The following MLF1 variants were observed in gnomAD, a reference collection of about 807,000 sequenced individuals.
MLF1 encodes the protein myelodysplasia-myeloid leukemia factor 1.
In MLF1, 37 loss-of-function variants were observed where a neutral mutation model predicts 38.3. The observed-to-expected ratio is 0.96, with a 90% CI of 0.74 to 1.27. The LOEUF is 1.27. MLF1 is among the 50% of genes most tolerant of loss of function. The pLI is 0.00. For missense variants in MLF1, 331 were observed against 349.2 expected, an observed-to-expected ratio of 0.95 and a Z score of 0.42; for synonymous variants, 95 against 106.5, an observed-to-expected ratio of 0.89 and a Z score of 0.66.
At chr3:158,579,117 G>A (rs754260781) in intron 1 of MLF1, among the ~76,000 whole-genome samples, 34 of 152,098 alleles carry the variant, frequency 2.2e-4, no homozygotes, top group Middle Eastern at 3.4e-3. Flanking sequence ...GAAATGACTA[G>A]TTTGTATAGC....
intron 1 of MLF1, among the ~76,000 whole-genome samples, chr3:158,572,122 G>C (rs1235120880): frequency 8.3e-6 from 1 of 120,380 alleles, no homozygotes; most frequent in African/African-American, 3.2e-5. Context: ...GTGTGGGGGA[G>C]AGTTGAAGGT....
At chr3:158,600,597 AAATT>A (rs1322790274) in intron 6 of MLF1, among the ~76,000 whole-genome samples, 4 of 151,534 alleles carry the variant, frequency 2.6e-5, no homozygotes, top group African/African-American at 7.2e-5. Context: ...CTTTTTTCTC[AAATT>A]ATTATTCTAC....
intron 1 of MLF1, among the ~76,000 whole-genome samples, chr3:158,588,391 A>C (rs1717583653): frequency 6.6e-6 from 1 of 152,222 alleles, no homozygotes. Context: ...TCAGAATAAC[A>C]CATTGATTGA....
intron 1 of MLF1, among the ~76,000 whole-genome samples, chr3:158,579,426 G>C (rs537402156): frequency 1.3e-5 from 2 of 152,190 alleles, no homozygotes; most frequent in Non-Finnish European, 2.9e-5. Context: ...GAATGGTTCA[G>C]ACAGTTGCAA....
At chr3:158,590,209 A>G (rs1211295829) in intron 1 of MLF1, among the ~76,000 whole-genome samples, 1 of 152,248 alleles carries the variant, frequency 6.6e-6, no homozygotes, top group African/African-American at 2.4e-5. Flanking sequence ...TGGGGGAAGT[A>G]TTTGAAAAGA....
intron 6 of MLF1, among the ~76,000 whole-genome samples, chr3:158,602,488 A>G (rs2108656940): frequency 6.6e-6 from 1 of 152,314 alleles, no homozygotes; most frequent in Admixed American, 6.5e-5. Flanking sequence ...GAGTATATTC[A>G]CTGTGAGATG....
At chr3:158,595,332 T>G (rs1718734371) in intron 3 of MLF1, among the ~76,000 whole-genome samples, 1 of 152,068 alleles carries the variant, frequency 6.6e-6, no homozygotes, top group African/African-American at 2.4e-5. Context: ...TTGAAGGCCT[T>G]AAGGGCCCAC....
At position 158,605,520 on chromosome 3, in the gene MLF1, C is replaced by T. The variant is rs1197284162; in HGVS notation, c.*318C>T. 3 of 234,844 alleles carry T rather than the reference C, an allele frequency of 1.3e-5. No individual in the cohort carries two copies. Among genetic ancestry groups the T allele is most frequent in the Non-Finnish European group, 2.5e-5 (3 of 119,314 alleles). 14.5% of individuals were successfully genotyped at this position (234,844 alleles called of 1,614,324 possible). On this transcript the variant is annotated 3_prime_UTR_variant, in exon 8 of 8. Coordinates refer to ENST00000466246, the MANE Select transcript of MLF1 (RefSeq NM_001369783.1). ...TGGCTAAATATTCTTTTATATTTAT[C>T]AAGATTGATTGCAGAGCAGTTCTAT... is the stretch of plus-strand genomic sequence containing the variant.
intron 1 of MLF1, chr3:158,591,191 GCT>G (rs1474448092): frequency 2.2e-6 from 1 of 449,150 alleles, no homozygotes; most frequent in East Asian, 6.6e-5. Context: ...ACAGAGTCTG[GCT>G]CTGTCACCCC....
chr3:158,595,787 A>G (rs566559817), intron 3 of MLF1, among the ~76,000 whole-genome samples: 6 of 152,248 alleles, frequency 3.9e-5, no homozygotes, highest in Admixed American at 3.3e-4. Flanking sequence ...GAACACAGAG[A>G]CACAAATAGA....
rs1720463214 is a variant in MLF1, at chr3:158,606,114, C to T, written c.*912C>T. The stretch of plus-strand genomic sequence containing the variant: ...GCTGATGGGTGTTTTTGAGCAACGT[C>T]TTAATAATTCAGTTGTTTCTGTTTT... On this transcript the variant is annotated 3_prime_UTR_variant, in exon 8 of 8. Coordinates refer to ENST00000466246, the MANE Select transcript of MLF1 (RefSeq NM_001369783.1). 5.5e-6 allele frequency: 1 copy of T among 180,286 alleles called. No individual in the cohort carries two copies. Among genetic ancestry groups the T allele is most frequent in the Admixed American group, 6.3e-5 (1 of 15,898 alleles). The allele number at this position is 180,286 out of a possible 1,614,324, so 11.2% of individuals were successfully genotyped here. A position where few individuals can be genotyped will look rare whatever the true frequency, so the allele number is the denominator to read the frequency against.
At chr3:158,576,962 C>T (rs1463715017) in intron 1 of MLF1, among the ~76,000 whole-genome samples, 1 of 152,124 alleles carries the variant, frequency 6.6e-6, no homozygotes, top group African/African-American at 2.4e-5. Context: ...TGAGCCACCG[C>T]ACCCAGCCAA....
At chr3:158,588,077 G>A (rs1008675585) in intron 1 of MLF1, among the ~76,000 whole-genome samples, 12 of 152,188 alleles carry the variant, frequency 7.9e-5, no homozygotes, top group African/African-American at 2.9e-4. Context: ...GGCTTACTTC[G>A]GGGAAAGAGC....
chr3:158,572,717 A>G (rs1462909452), intron 1 of MLF1, among the ~76,000 whole-genome samples: 3 of 42,192 alleles, frequency 7.1e-5, no homozygotes, highest in African/African-American at 2.9e-4. Context: ...TAGGGGCATG[A>G]GGTGTGGGGG....
chr3:158,591,113 C>T (rs766324614), intron 1 of MLF1: 2 of 513,382 alleles, frequency 3.9e-6, no homozygotes, highest in South Asian at 1.4e-5. Context: ...TTTTGAGCTT[C>T]CTCCTTTGAG....
At chr3:158,592,235 A>G (rs1718259193) in intron 1 of MLF1, among the ~76,000 whole-genome samples, 199 bp from the exon 2 acceptor site, 2 of 152,332 alleles carry the variant, frequency 1.3e-5, no homozygotes, top group South Asian at 4.1e-4. Flanking sequence ...AACTTAAACC[A>G]TTGTAAGTAG....
chr3:158,590,689 A>C, intron 1 of MLF1: 1 of 421,482 alleles, frequency 2.4e-6, no homozygotes, highest in South Asian at 1.7e-5. Flanking sequence ...AGACCAAACT[A>C]TAATGACAGA....
rs543635132 is a variant in MLF1, at chr3:158,598,251, G to T, written c.453+43G>T. 2.2e-5 allele frequency: 35 copies of T among 1,591,450 alleles called. No homozygotes were observed. In the South Asian group the frequency reaches 3.0e-4, roughly 13 times the overall value. On this transcript the variant is annotated intron_variant, in intron 5 of 7. Coordinates refer to ENST00000466246, the MANE Select transcript of MLF1 (RefSeq NM_001369783.1). ...ATTCCTAAAGTTTTATAAAGTTAGG[G>T]GATGATAGACTGTCTAGATCAAATT...
chr3:158,579,580 A>G (rs570299292), intron 1 of MLF1, among the ~76,000 whole-genome samples: 3 of 152,312 alleles, frequency 2.0e-5, no homozygotes, highest in African/African-American at 7.2e-5. Context: ...CTACTTCTAT[A>G]TAAAGAAAGA....
Sources: allele counts gnomAD v4.1 joint callset (sites outside exome capture counted in the v4.1 genomes callset), GRCh38; gene constraint gnomAD v4.1.1; transcripts MANE v1.5; gene names NCBI Gene and HGNC (gene_info 2026-07-23, HGNC 2026-07-21).